MIEF2: variants seen among roughly 807,000 people sequenced by gnomAD.
The protein encoded by MIEF2 is mitochondrial dynamics protein MID49.
MIEF2 carries 1 observed loss-of-function variant against 7.4 expected under a neutral mutation model. The ratio of observed to expected loss-of-function variants is 0.14; its 90% CI spans 0.05 to 0.64. The LOEUF (loss-of-function observed/expected upper bound fraction) is 0.64, where lower values mean the gene tolerates loss of function less well. Ranked by LOEUF, MIEF2 falls within the 30% of genes least tolerant of loss-of-function variation. The pLI, the probability that MIEF2 is intolerant of heterozygous loss-of-function variation, is 0.85. For synonymous variants in MIEF2, 275 were observed against 290.5 expected, an observed-to-expected ratio of 0.95 and a Z score of 0.54; for missense variants, 569 against 623.9, an observed-to-expected ratio of 0.91 and a Z score of 0.94.
In MIEF2 at chr17:18,263,228, C is replaced by G; in HGVS notation, c.290C>G (p.Ala97Gly). 1 of 1,613,870 alleles carries G rather than the reference C, an allele frequency of 6.2e-7. No homozygotes were observed. Among genetic ancestry groups the G allele is most frequent in the Non-Finnish European group, 8.5e-7 (1 of 1,180,044 alleles). ...CTTAGCCAGCCAGTGTTGCCCTTGG[C>G]CCCCTCGTCGTCTGCCCCAGGTGAG... ...AALSQPVLPL[A>G]PSSSAPEGPA... Residue 97 changes from alanine to glycine, a missense_variant, in exon 3 of 4, where the codon GCC becomes GGC. By Grantham distance (60) the Ala-to-Gly change is moderately conservative (BLOSUM62 0). Transcript: ENST00000323019.
chr17:18,264,277 A>C lies in MIEF2; in HGVS notation c.878A>C (p.Gln293Pro). The C allele has an allele frequency of 6.2e-7, 1 of 1,606,584 alleles. No homozygotes were observed. The highest frequency in any genetic ancestry group is 8.5e-7 in the Non-Finnish European group (1 of 1,179,850). The change falls in exon 4 of 4, where the codon CAG becomes CCG. Residue 293 changes from glutamine (Q) to proline (P), a missense_variant. Coordinates refer to ENST00000323019, the MANE Select transcript of MIEF2 (RefSeq NM_139162.4). The part of the protein sequence containing the change: ...MASEELLLEV[Q>P]HERLELTVAV... ...TCGGAGGAGCTGCTGCTCGAGGTGC[A>C]GCACGAACGCCTGGAGCTCACTGTG... is the stretch of plus-strand genomic sequence containing the variant.
intron 1 of MIEF2, chr17:18,260,991 G>A: frequency 1.0e-6 from 1 of 994,676 alleles, no homozygotes; most frequent in Non-Finnish European, 1.5e-6. Flanking sequence ...CGGGCCCAGG[G>A]CAGGCAGGTT....
chr17:18,260,921 T>C (rs1978374430), intron 1 of MIEF2, among the ~76,000 whole-genome samples, 184 bp downstream of exon 1: 1 of 152,138 alleles, frequency 6.6e-6, no homozygotes, highest in African/African-American at 2.4e-5. Context: ...GGTCTCTTGG[T>C]TTATCCTGCG....
chr17:18,263,127 C>T lies in MIEF2; in HGVS notation c.189C>T (p.Thr63=), dbSNP rs368314368. The T allele has an allele frequency of 3.1e-6, 5 of 1,613,502 alleles. No homozygotes were observed. In the African/African-American group the frequency reaches 6.7e-5, roughly 22 times the overall value. The stretch of plus-strand genomic sequence containing the variant: ...CTAGCCCGCGGGATGAGGATGACAC[C>T]AAGGCAGACAGCTGGAAGGAACTGA... ...RATSPRDEDD[T]KADSWKELSL... The change falls in exon 3 of 4, where the codon ACC becomes ACT. Residue 63 remains threonine, a synonymous_variant. Transcript: ENST00000323019.
At position 18,264,989 on chromosome 17, in the gene MIEF2, G is replaced by A; in HGVS notation, c.*225G>A. ...CCTGAGTGCAGCTGGGCTGCCTCAG[G>A]CAGCTTGGAGTGCCAGCCATTCCTG... On this transcript the variant is annotated 3_prime_UTR_variant, in exon 4 of 4. Transcript: ENST00000323019. 2.9e-6 allele frequency: 2 copies of A among 701,524 alleles called. No individual in the cohort carries two copies. The highest frequency in any genetic ancestry group is 3.4e-5 in the Admixed American group (1 of 29,324). The allele number at this position is 701,524 out of a possible 1,614,324, so 43.5% of individuals were successfully genotyped here.
At position 18,264,356 on chromosome 17, in the gene MIEF2, C is replaced by G; in HGVS notation, c.957C>G (p.Ala319=). The G allele has an allele frequency of 6.2e-7, 1 of 1,605,300 alleles. No homozygotes were observed. The highest frequency in any genetic ancestry group is 8.5e-7 in the Non-Finnish European group (1 of 1,179,862). Reference sequence around the variant, plus strand: ...ATGCTGACGACCGCCTCCTCTTGGCCTGGCCCCTGGAGGGGCTGGCGGGGA... The same window carrying G: ...ATGCTGACGACCGCCTCCTCTTGGCGTGGCCCCTGGAGGGGCTGGCGGGGA... ...GVDADDRLLL[A]WPLEGLAGNL... The change falls in exon 4 of 4, where the codon GCC becomes GCG. Residue 319 remains alanine, a synonymous_variant. Coordinates refer to ENST00000323019, the MANE Select transcript of MIEF2 (RefSeq NM_139162.4).
In MIEF2 at chr17:18,262,171, G is replaced by A. The variant is rs75908172; in HGVS notation, c.-7-543G>A. On this transcript the variant is annotated intron_variant, in intron 1 of 3. Transcript: ENST00000323019. ...GCTGCTGCTGAGGACCTGGGCACCT[G>A]GCACAGGGAGAATCCGTCAGACTCT... 8.5e-5 allele frequency among the ~76,000 whole-genome samples: 13 copies of A among 152,338 alleles called. No homozygotes were observed. In the East Asian group the frequency reaches 2.5e-3, roughly 29 times the overall value.
chr17:18,263,935 G>C lies in MIEF2; in HGVS notation c.536G>C (p.Gly179Ala). Residue 179 changes from glycine to alanine, a missense_variant, in exon 4 of 4, where the codon GGG (glycine) becomes GCG (alanine). Transcript: ENST00000323019. ...CTGCCCTTTGGGGCATTCGTGCCTGGGGGGCCGCTCTACGACGGGCTGCAG... is the reference window on the plus strand; with the variant it reads ...CTGCCCTTTGGGGCATTCGTGCCTGCGGGGCCGCTCTACGACGGGCTGCAG... Reference protein sequence around the residue: ...PELPFGAFVPGGPLYDGLQAG... With the variant: ...PELPFGAFVPAGPLYDGLQAG... The C allele has an allele frequency of 6.3e-7, 1 of 1,595,324 alleles. No individual in the cohort carries two copies. The highest frequency in any genetic ancestry group is 8.5e-7 in the Non-Finnish European group (1 of 1,175,274).
At position 18,263,381 on chromosome 17, in the gene MIEF2, G is replaced by A. The variant is rs1193736718; in HGVS notation, c.310+133G>A. The A allele has an allele frequency of 1.1e-5, 14 of 1,263,614 alleles. No homozygotes were observed. The South Asian group carries it at 1.6e-4, about 14-fold the overall frequency. 78.3% of individuals were successfully genotyped at this position (1,263,614 alleles called of 1,614,324 possible). ...TTGTGGGCTCCTCAGATATTTAATGGGGGTGGTGTTTCTTTGCCCTGTTCC... is the reference window on the plus strand; with the variant it reads ...TTGTGGGCTCCTCAGATATTTAATGAGGGTGGTGTTTCTTTGCCCTGTTCC... On this transcript the variant is annotated intron_variant, in intron 3 of 3. Transcript: ENST00000323019.
At position 18,264,492 on chromosome 17, in the gene MIEF2, C is replaced by T. The variant is rs773059680; in HGVS notation, c.1093C>T (p.Arg365Cys). 1.1e-5 allele frequency: 17 copies of T among 1,607,008 alleles called. No individual in the cohort carries two copies. Among genetic ancestry groups the T allele is most frequent in the East Asian group, 4.5e-5 (2 of 44,886 alleles). ...RLLLLLCAVC[R>C]GCSALGQLGR... ...GCTGCTGCTGCTGTGTGCTGTCTGC[C>T]GTGGTTGCTCGGCTCTGGGGCAGCT... Residue 365 changes from arginine to cysteine, a missense_variant, in exon 4 of 4, where the codon CGT (arginine) becomes TGT (cysteine). By Grantham distance (180) the Arg-to-Cys change is radical. Coordinates refer to ENST00000323019, the MANE Select transcript of MIEF2 (RefSeq NM_139162.4).
chr17:18,264,215 C>T lies in MIEF2; in HGVS notation c.816C>T (p.Gly272=), dbSNP rs1160749325. 1 of 1,601,632 alleles carries T rather than the reference C, an allele frequency of 6.2e-7. No individual in the cohort carries two copies. The highest frequency in any genetic ancestry group is 1.7e-5 in the Admixed American group (1 of 59,952). ...CTTCTGTCAACTGGCCGGCCATTGGCAGCCTTCTCGGGTGCCTGATCCGGC... is the reference window on the plus strand; with the variant it reads ...CTTCTGTCAACTGGCCGGCCATTGGTAGCCTTCTCGGGTGCCTGATCCGGC... ...LAASVNWPAI[G]SLLGCLIRPS... Residue 272 remains glycine, a synonymous_variant, in exon 4 of 4, where the codon GGC becomes GGT. Transcript: ENST00000323019.
chr17:18,263,969 T>A lies in MIEF2; in HGVS notation c.570T>A (p.Ala190=), dbSNP rs1420818633. 4 of 1,579,678 alleles carry A rather than the reference T, an allele frequency of 2.5e-6. No individual in the cohort carries two copies. The African/African-American group carries it at 5.4e-5, about 21-fold the overall frequency. ...TCTACGACGGGCTGCAGGCGGGGGC[T>A]GCGGACCATGTGCGTCTCCTGGTGC... The part of the protein sequence containing the change: ...GPLYDGLQAG[A]ADHVRLLVPL... The change falls in exon 4 of 4, where the codon GCT becomes GCA. Residue 190 remains alanine (A), a synonymous_variant. Coordinates refer to ENST00000323019, the MANE Select transcript of MIEF2 (RefSeq NM_139162.4).
rs747944417 is a variant in MIEF2 at position 18,264,164 on chromosome 17, G to A, written c.765G>A (p.Leu255=). Residue 255 remains leucine (L), a synonymous_variant, in exon 4 of 4, where the codon CTG becomes CTA. Transcript: ENST00000323019. ...VGGYLSSRVL[L]ELLRKALAAS... is the part of the protein sequence containing the mutation. ...GCTACCTCTCCTCCCGCGTCCTGCT[G>A]GAGCTACTCCGCAAGGCGCTGGCTG... 6 of 1,584,584 alleles carry A rather than the reference G, an allele frequency of 3.8e-6. No individual in the cohort carries two copies. The South Asian group carries it at 4.5e-5, about 12-fold the overall frequency.
rs1465341873 is a variant in MIEF2, at chr17:18,264,541, T to G, written c.1142T>G (p.Val381Gly). ...GQLGRGHLTQVVLRLGEDNVD... is the reference protein window; with the variant it reads ...GQLGRGHLTQGVLRLGEDNVD... ...CTAGGCCGGGGTCACCTGACCCAGGTGGTCCTGCGTCTGGGGGAGGACAAC... is the reference window on the plus strand; with the variant it reads ...CTAGGCCGGGGTCACCTGACCCAGGGGGTCCTGCGTCTGGGGGAGGACAAC... Residue 381 changes from valine (V) to glycine (G), a missense_variant, in exon 4 of 4, where the codon GTG becomes GGG. By Grantham distance (109) the Val-to-Gly change is moderately radical (BLOSUM62 -3). Transcript: ENST00000323019. The G allele has an allele frequency of 6.2e-7, 1 of 1,610,250 alleles. No individual in the cohort carries two copies. Among genetic ancestry groups the G allele is most frequent in the Non-Finnish European group, 8.5e-7 (1 of 1,179,822 alleles).
At position 18,263,868 on chromosome 17, in the gene MIEF2, G is replaced by T; in HGVS notation, c.469G>T (p.Ala157Ser). ...ALAKQLAGDI[A>S]LELQAYFRSK... ...GGCCAAACAGCTGGCTGGCGACATC[G>T]CCCTGGAGCTGCAGGCCTACTTTCG... is the stretch of plus-strand genomic sequence containing the variant. Residue 157 changes from alanine (A) to serine (S), a missense_variant, in exon 4 of 4, where the codon GCC (alanine) becomes TCC (serine). Ala to Ser is a moderately conservative substitution (Grantham distance 99). Transcript: ENST00000323019. 1 of 1,604,548 alleles carries T rather than the reference G, an allele frequency of 6.2e-7. No homozygotes were observed.
Position 18,264,155 on chromosome 17 carries a change from C to T in MIEF2, c.756C>T (p.Arg252=), listed in dbSNP as rs373199441. The T allele has an allele frequency of 2.7e-5, 43 of 1,574,178 alleles. No individual in the cohort carries two copies. The highest frequency in any genetic ancestry group is 1.8e-4 in the Middle Eastern group (1 of 5,664). ...RFLVGGYLSS[R]VLLELLRKAL... is the part of the protein sequence containing the mutation. ...TGGTCGGGGGCTACCTCTCCTCCCG[C>T]GTCCTGCTGGAGCTACTCCGCAAGG... The change falls in exon 4 of 4, where the codon CGC becomes CGT. Residue 252 remains arginine (R), a synonymous_variant. Coordinates refer to ENST00000323019, the MANE Select transcript of MIEF2 (RefSeq NM_139162.4).
chr17:18,263,598 A>G, intron 3 of MIEF2, 112 bp from the exon 4 acceptor site: 1 of 1,359,770 alleles, frequency 7.4e-7, no homozygotes, highest in African/African-American at 1.5e-5. Flanking sequence ...CTCAGGTGCC[A>G]CTGCAGGTGA....
rs1051514968 is a variant in MIEF2, at chr17:18,266,540, T to C, written c.*1776T>C. On this transcript the variant is annotated 3_prime_UTR_variant, in exon 4 of 4. Transcript: ENST00000323019. Reference sequence around the variant, plus strand: ...AAAATAAAATAAAATAAAATAATAATAGTAATAATAAATTAGCATCTCAGT... The same window carrying C: ...AAAATAAAATAAAATAAAATAATAACAGTAATAATAAATTAGCATCTCAGT... 1 of 152,056 alleles carries C rather than the reference T, an allele frequency of 6.6e-6. No homozygotes were observed. Among genetic ancestry groups the C allele is most frequent in the African/African-American group, 2.4e-5 (1 of 41,388 alleles). 9.4% of individuals were successfully genotyped at this position (152,056 alleles called of 1,614,324 possible). A position where few individuals can be genotyped will look rare whatever the true frequency, so the allele number is the denominator to read the frequency against.
At position 18,263,086 on chromosome 17, in the gene MIEF2, T is replaced by C; in HGVS notation, c.148T>C (p.Phe50Leu). 1 of 1,613,012 alleles carries C rather than the reference T, an allele frequency of 6.2e-7. No homozygotes were observed. The highest frequency in any genetic ancestry group is 1.1e-5 in the South Asian group (1 of 91,078). Reference sequence around the variant, plus strand: ...CTGATCTGTGTGACTGTGCTTGCAGTTCATTGACAGGGCCACTAGCCCGCG... The same window carrying C: ...CTGATCTGTGTGACTGTGCTTGCAGCTCATTGACAGGGCCACTAGCCCGCG... The part of the protein sequence containing the change: ...LGIATLAVKR[F>L]IDRATSPRDE... Residue 50 changes from phenylalanine to leucine, a missense_variant and splice_region_variant, in exon 3 of 4, where the codon TTC becomes CTC. By Grantham distance (22) the Phe-to-Leu change is conservative (BLOSUM62 0). Coordinates refer to ENST00000323019, the MANE Select transcript of MIEF2 (RefSeq NM_139162.4).
Sources: allele counts gnomAD v4.1 joint callset (sites outside exome capture counted in the v4.1 genomes callset), GRCh38; gene constraint gnomAD v4.1.1; transcripts MANE v1.5; gene names NCBI Gene and HGNC (gene_info 2026-07-23, HGNC 2026-07-21).